FLYWCH2: variants seen among roughly 807,000 people sequenced by gnomAD.
FLYWCH2 encodes the protein FLYWCH family member 2.
Under a neutral mutation model 6.0 loss-of-function variants are expected in FLYWCH2, and 2 were observed. The ratio of observed to expected loss-of-function variants is 0.33; its 90% CI spans 0.14 to 1.04. The LOEUF is 1.04. Among genes scored for constraint, FLYWCH2 ranks in the 50% least tolerant of loss-of-function variants. The pLI is 0.45. For missense variants in FLYWCH2, 192 were observed against 183.4 expected (o/e 1.05, Z -0.27); for synonymous variants, 87 against 79.3 (o/e 1.10, Z -0.52).
chr16:2,896,279 C>A, intron 2 of FLYWCH2, 73 bp from the exon 3 acceptor site: 1 of 826,968 alleles, frequency 1.2e-6, no homozygotes, highest in Non-Finnish European at 1.8e-6. Context: ...ATCTGCCCCA[C>A]CTCCCTCCCA....
intron 1 of FLYWCH2, among the ~76,000 whole-genome samples, chr16:2,888,045 G>C (rs1204501016): frequency 6.6e-6 from 1 of 151,940 alleles, no homozygotes; most frequent in Non-Finnish European, 1.5e-5. Flanking sequence ...GTCTCGCTCT[G>C]TTGCCCAGGC....
At position 2,883,356 on chromosome 16, in the gene FLYWCH2, C is replaced by T. The variant is rs997316950; in HGVS notation, c.-210C>T. The stretch of plus-strand genomic sequence containing the variant: ...CGCTGTCGCCGGAGAGGGAGGGCAC[C>T]GCTGTCGTCGGTGAGGACGGGCCCT... On this transcript the variant is annotated 5_prime_UTR_variant, in exon 1 of 4. Transcript: ENST00000396958. The T allele has an allele frequency of 1.3e-5, 2 of 152,290 alleles. No individual in the cohort carries two copies. The highest frequency in any genetic ancestry group is 4.8e-5 in the African/African-American group (2 of 41,460). 9.4% of individuals were successfully genotyped at this position (152,290 alleles called of 1,614,324 possible).
intron 1 of FLYWCH2, among the ~76,000 whole-genome samples, chr16:2,884,363 A>G (rs1596334068): frequency 6.6e-6 from 1 of 152,092 alleles, no homozygotes; most frequent in African/African-American, 2.4e-5. Flanking sequence ...GTCGTCCAGA[A>G]CATCGTCAGT....
chr16:2,892,280 A>G (rs1303336352), intron 1 of FLYWCH2, among the ~76,000 whole-genome samples: 2 of 146,392 alleles, frequency 1.4e-5, no homozygotes, highest in African/African-American at 5.1e-5. Flanking sequence ...GGATCACCTG[A>G]GGTCAGGAGT....
chr16:2,891,595 T>TG (rs2069758604), intron 1 of FLYWCH2, among the ~76,000 whole-genome samples: 1 of 152,006 alleles, frequency 6.6e-6, no homozygotes, highest in Non-Finnish European at 1.5e-5. Context: ...TTAGTAGAGA[T>TG]GGGGTTTCAC....
Position 2,887,397 on chromosome 16 carries a change from G to A in FLYWCH2, c.-200+4031G>A, listed in dbSNP as rs2069711290. On this transcript the variant is annotated intron_variant, in intron 1 of 3. Transcript: ENST00000396958. ...GCTAGACCTGAACTCCCGAGCTGAA[G>A]AGATCTGCCCACCTCAGCCTCCCAA... 2.0e-5 allele frequency among the ~76,000 whole-genome samples: 3 copies of A among 146,874 alleles called. No homozygotes were observed. In the South Asian group the frequency reaches 6.5e-4, roughly 32 times the overall value.
chr16:2,896,967 C>T (rs1432270497), intron 3 of FLYWCH2, 196 bp downstream of exon 3: 14 of 613,772 alleles, frequency 2.3e-5, no homozygotes, highest in South Asian at 3.9e-5. Flanking sequence ...TGCCTCTGAG[C>T]GGCCTTGCCT....
chr16:2,892,525 C>T (rs897398564), intron 1 of FLYWCH2, among the ~76,000 whole-genome samples: 1 of 146,706 alleles, frequency 6.8e-6, no homozygotes, highest in African/African-American at 2.5e-5. Flanking sequence ...TCTACATTTA[C>T]CATTTTATTA....
chr16:2,892,950 ATG>A (rs1170698881), intron 1 of FLYWCH2, among the ~76,000 whole-genome samples: 14 of 142,928 alleles, frequency 9.8e-5, no homozygotes, highest in Non-Finnish European at 1.5e-5. Context: ...TATGTTGTAT[ATG>A]TGTCATATAT....
intron 3 of FLYWCH2, chr16:2,898,733 A>C (rs1338577603): frequency 7.2e-6 from 2 of 277,670 alleles, no homozygotes; most frequent in Non-Finnish European, 1.3e-5. Flanking sequence ...GGCATCGACC[A>C]CCCCCATCTG....
At chr16:2,891,977 A>G (rs113038315) in intron 1 of FLYWCH2, among the ~76,000 whole-genome samples, 1 of 149,706 alleles carries the variant, frequency 6.7e-6, no homozygotes. Context: ...GGATCACTTG[A>G]GGTTGGGAGT....
intron 1 of FLYWCH2, among the ~76,000 whole-genome samples, chr16:2,884,578 T>G (rs7498494): frequency 4.5e-5 from 3 of 66,990 alleles, no homozygotes; most frequent in African/African-American, 6.4e-5. Flanking sequence ...AAAAAAAAAA[T>G]ACAAAAATTA....
At chr16:2,885,049 G>A (rs2069682817) in intron 1 of FLYWCH2, among the ~76,000 whole-genome samples, 1 of 152,096 alleles carries the variant, frequency 6.6e-6, no homozygotes, top group African/African-American at 2.4e-5. Context: ...TCGGCCGGGC[G>A]CGGTGGCTCA....
At chr16:2,890,888 G>A (rs905938397) in intron 1 of FLYWCH2, among the ~76,000 whole-genome samples, 6 of 152,130 alleles carry the variant, frequency 3.9e-5, no homozygotes, top group African/African-American at 1.4e-4. Context: ...CTTTGGAAAT[G>A]CACTAAGCCC....
At chr16:2,889,123 G>A (rs2069728373) in intron 1 of FLYWCH2, among the ~76,000 whole-genome samples, 1 of 101,990 alleles carries the variant, frequency 9.8e-6, no homozygotes, top group African/African-American at 4.3e-5. Flanking sequence ...CTCAAAATTT[G>A]GTGTTTTTTT....
intron 2 of FLYWCH2, among the ~76,000 whole-genome samples, chr16:2,895,991 G>T (rs76548975): frequency 0.12 from 18,726 of 152,198 alleles, 1,470 homozygotes; most frequent in African/African-American, 0.21. Flanking sequence ...TCATAACAGG[G>T]GTGGGAGGTG....
chr16:2,894,738 C>T (rs886716868), intron 1 of FLYWCH2, among the ~76,000 whole-genome samples: 1 of 152,182 alleles, frequency 6.6e-6, no homozygotes, highest in East Asian at 1.9e-4. Context: ...TTCACATCTG[C>T]TTTTGTTTAG....
chr16:2,884,063 C>T (rs2069669963), intron 1 of FLYWCH2, among the ~76,000 whole-genome samples: 1 of 152,142 alleles, frequency 6.6e-6, no homozygotes, highest in South Asian at 2.1e-4. Context: ...GTCATCCTGT[C>T]GGGGTCAATA....
At position 2,899,348 on chromosome 16, in the gene FLYWCH2, G is replaced by C; in HGVS notation, c.*199G>C. ...CTTTCAAACAAGAATAAAAGAAGCT[G>C]TTCGCTAGACCCCATAATGGGCAGG... On this transcript the variant is annotated 3_prime_UTR_variant, in exon 4 of 4. Transcript: ENST00000396958. 1 of 488,948 alleles carries C rather than the reference G, an allele frequency of 2.0e-6. No homozygotes were observed. The highest frequency in any genetic ancestry group is 3.6e-6 in the Non-Finnish European group (1 of 281,004). The allele number at this position is 488,948 out of a possible 1,614,324, so 30.3% of individuals were successfully genotyped here. A position where few individuals can be genotyped will look rare whatever the true frequency, so the allele number is the denominator to read the frequency against.
Sources: gnomAD v4.1 joint callset for allele counts (sites outside exome capture counted in the v4.1 genomes callset) on GRCh38, gnomAD v4.1.1 for gene constraint, MANE v1.5 for transcripts, NCBI Gene and HGNC (gene_info 2026-07-23, HGNC 2026-07-21) for gene names.